UBE2R2: variants seen among roughly 807,000 people sequenced by gnomAD.
UBE2R2 encodes ubiquitin-conjugating enzyme E2 R2.
Under a neutral mutation model 27.8 loss-of-function variants are expected in UBE2R2, and 1 was observed. That is an observed-to-expected ratio of 0.04 (90% CI 0.01 to 0.17). UBE2R2 has a LOEUF of 0.17. Ranked by LOEUF, UBE2R2 falls within the 10% of genes least tolerant of loss-of-function variation. UBE2R2 has a pLI of 1.00. For missense variants in UBE2R2, 100 were observed against 291.0 expected (o/e 0.34, Z 4.78); for synonymous variants, 106 against 113.3 (o/e 0.94, Z 0.41).
intron 1 of UBE2R2, among the ~76,000 whole-genome samples, chr9:33,860,984 A>G (rs1262083586): frequency 7.1e-6 from 1 of 140,658 alleles, no homozygotes; most frequent in African/African-American, 2.6e-5. Context: ...TTTGAGACGG[A>G]GTCTCGCTCT....
chr9:33,816,777 C>G (rs1326496268), upstream of UBE2R2, among the ~76,000 whole-genome samples: 2 of 152,222 alleles, frequency 1.3e-5, no homozygotes, highest in African/African-American at 4.8e-5. Flanking sequence ...GCGGAGGCCC[C>G]TGGATCCACA....
At chr9:33,835,254 C>T (rs982503136) in intron 1 of UBE2R2, among the ~76,000 whole-genome samples, 1 of 143,198 alleles carries the variant, frequency 7.0e-6, no homozygotes, top group East Asian at 2.1e-4. Context: ...TCAAGTGATT[C>T]TCTTGTCTCA....
intron 1 of UBE2R2, among the ~76,000 whole-genome samples, chr9:33,882,274 A>C (rs1051127992): frequency 5.3e-5 from 8 of 152,128 alleles, no homozygotes; most frequent in Admixed American, 6.5e-5. Context: ...TTATTGAATA[A>C]TGATATTTTA....
intron 1 of UBE2R2, among the ~76,000 whole-genome samples, chr9:33,819,922 C>A (rs977745700): frequency 6.6e-6 from 1 of 152,228 alleles, no homozygotes; most frequent in Non-Finnish European, 1.5e-5. Flanking sequence ...CAGGCGTGAG[C>A]CACTGCGCCC....
intron 3 of UBE2R2, among the ~76,000 whole-genome samples, chr9:33,907,922 G>A (rs950794571): frequency 9.2e-5 from 14 of 151,712 alleles, no homozygotes; most frequent in African/African-American, 1.7e-4. Flanking sequence ...TCCACCTCCC[G>A]GGTTCAAACG....
At chr9:33,858,841 T>G (rs1821162510) in intron 1 of UBE2R2, among the ~76,000 whole-genome samples, 1 of 152,132 alleles carries the variant, frequency 6.6e-6, no homozygotes, top group East Asian at 1.9e-4. Context: ...TTTGTTTTGT[T>G]TGAGATGGAG....
intron 1 of UBE2R2, among the ~76,000 whole-genome samples, chr9:33,882,147 C>G (rs761499407): frequency 1.5e-4 from 23 of 152,058 alleles, no homozygotes; most frequent in Non-Finnish European, 2.8e-4. Context: ...TTGAAATACT[C>G]CAATTTGTTT....
chr9:33,847,596 T>C (rs1465654236), intron 1 of UBE2R2, among the ~76,000 whole-genome samples: 1 of 152,122 alleles, frequency 6.6e-6, no homozygotes, highest in Non-Finnish European at 1.5e-5. Flanking sequence ...TTCATAGCCA[T>C]TATCTTTTCA....
intron 2 of UBE2R2, among the ~76,000 whole-genome samples, chr9:33,893,473 G>A (rs956281792): frequency 3.9e-5 from 6 of 152,044 alleles, no homozygotes; most frequent in Non-Finnish European, 1.5e-5. Flanking sequence ...TCTTTTGATG[G>A]ACACATTTGG....
intron 1 of UBE2R2, among the ~76,000 whole-genome samples, chr9:33,827,081 G>A (rs934483511): frequency 9.2e-5 from 14 of 152,032 alleles, no homozygotes; most frequent in Middle Eastern, 3.4e-3. Flanking sequence ...CAGCCTGGGC[G>A]ACAGTGAGAC....
intron 1 of UBE2R2, among the ~76,000 whole-genome samples, chr9:33,859,322 A>G (rs1821173322): frequency 6.6e-6 from 1 of 152,224 alleles, no homozygotes; most frequent in Admixed American, 6.5e-5. Flanking sequence ...TCAGAAATTT[A>G]TGAAAACTAA....
intron 2 of UBE2R2, among the ~76,000 whole-genome samples, chr9:33,890,692 C>G (rs1821959965): frequency 6.6e-6 from 1 of 152,084 alleles, no homozygotes; most frequent in Non-Finnish European, 1.5e-5. Context: ...TGCCTGTAAT[C>G]CCAGCTACTC....
intron 1 of UBE2R2, among the ~76,000 whole-genome samples, chr9:33,842,335 C>T (rs1820749499): frequency 6.6e-6 from 1 of 152,204 alleles, no homozygotes; most frequent in African/African-American, 2.4e-5. Flanking sequence ...TGGGAGGTTG[C>T]GGCTGCAGTG....
At chr9:33,834,758 A>G (rs1380899235) in intron 1 of UBE2R2, among the ~76,000 whole-genome samples, 1 of 151,796 alleles carries the variant, frequency 6.6e-6, no homozygotes, top group African/African-American at 2.4e-5. Flanking sequence ...TAAAAATACA[A>G]AATTAGCCGG....
At chr9:33,822,983 C>A (rs1820190779) in intron 1 of UBE2R2, among the ~76,000 whole-genome samples, 2 of 149,734 alleles carry the variant, frequency 1.3e-5, no homozygotes, top group Admixed American at 1.3e-4. Context: ...CGGCTCACTG[C>A]AACCTTTACC....
chr9:33,914,753 C>A (rs1360581565), intron 4 of UBE2R2, among the ~76,000 whole-genome samples: 2 of 151,350 alleles, frequency 1.3e-5, no homozygotes, highest in African/African-American at 4.9e-5. Context: ...TGCTTGAACC[C>A]GGGAGGCAGA....
chr9:33,892,164 A>C (rs989691769), intron 2 of UBE2R2, among the ~76,000 whole-genome samples: 1 of 152,094 alleles, frequency 6.6e-6, no homozygotes, highest in Non-Finnish European at 1.5e-5. Flanking sequence ...CAGTGATGGT[A>C]CTGCACAATC....
At chr9:33,833,830 A>T (rs1440593627) in intron 1 of UBE2R2, among the ~76,000 whole-genome samples, 1 of 152,108 alleles carries the variant, frequency 6.6e-6, no homozygotes, top group African/African-American at 2.4e-5. Context: ...GGTAATCTCA[A>T]TTCTCCTTTC....
chr9:33,850,056 C>A (rs1174068952), intron 1 of UBE2R2, among the ~76,000 whole-genome samples: 1 of 152,090 alleles, frequency 6.6e-6, no homozygotes, highest in Non-Finnish European at 1.5e-5. Context: ...TGGATATTTA[C>A]ACAGAAATTT....
Sources: allele counts gnomAD v4.1 joint callset (sites outside exome capture counted in the v4.1 genomes callset), GRCh38; gene constraint gnomAD v4.1.1; transcripts MANE v1.5; gene names NCBI Gene and HGNC (gene_info 2026-07-23, HGNC 2026-07-21).